RSU1: variants seen among roughly 807,000 people sequenced by gnomAD.
RSU1 encodes rsu-1.
RSU1 carries 26 observed loss-of-function variants against 31.1 expected under a neutral mutation model. The ratio of observed to expected loss-of-function variants is 0.84; its 90% CI spans 0.61 to 1.16. The LOEUF (loss-of-function observed/expected upper bound fraction) is 1.16. Ranked by LOEUF, RSU1 falls within the 50% of genes most tolerant of loss-of-function variation. The pLI, the probability that RSU1 is intolerant of heterozygous loss-of-function variation, is 0.00. For missense variants in RSU1, 320 were observed against 339.1 expected (o/e 0.94, Z 0.44); for synonymous variants, 164 against 136.3 (o/e 1.20, Z -1.41).
intron 2 of RSU1, among the ~76,000 whole-genome samples, chr10:16,783,899 T>C (rs1417378220): frequency 3.3e-5 from 5 of 152,128 alleles, no homozygotes. Context: ...CATTCAAGTT[T>C]CTCCAAATGT....
chr10:16,636,099 C>T (rs963719706), intron 8 of RSU1, among the ~76,000 whole-genome samples: 11 of 152,164 alleles, frequency 7.2e-5, no homozygotes, highest in African/African-American at 2.7e-4. Context: ...TTTATACTCA[C>T]TTGCTAAGTG....
At chr10:16,628,014 G>A (rs552415559) in intron 8 of RSU1, among the ~76,000 whole-genome samples, 6 of 152,260 alleles carry the variant, frequency 3.9e-5, no homozygotes, top group Admixed American at 3.3e-4. Context: ...TTGAGTTAGA[G>A]GGAGACTAAT....
chr10:16,771,920 A>C (rs45464692), intron 3 of RSU1, among the ~76,000 whole-genome samples: 5,071 of 152,326 alleles, frequency 0.033, 165 homozygotes, highest in East Asian at 0.071. Flanking sequence ...CTACGCCAAG[A>C]AAGGCCAACA....
At chr10:16,770,746 C>T (rs1286201590) in intron 3 of RSU1, among the ~76,000 whole-genome samples, 1 of 152,218 alleles carries the variant, frequency 6.6e-6, no homozygotes, top group Non-Finnish European at 1.5e-5. Flanking sequence ...GAGGCAACTG[C>T]TCACAGCCAG....
chr10:16,686,883 G>C (rs547191271), intron 8 of RSU1, among the ~76,000 whole-genome samples: 1 of 152,248 alleles, frequency 6.6e-6, no homozygotes, highest in South Asian at 2.1e-4. Context: ...CCCTCTAATA[G>C]TTATCCACAA....
intron 2 of RSU1, among the ~76,000 whole-genome samples, chr10:16,788,079 T>C (rs930920491): frequency 1.3e-5 from 2 of 152,008 alleles, no homozygotes; most frequent in East Asian, 1.9e-4. Flanking sequence ...CTGAGATGTA[T>C]AGTCTGACAT....
intron 3 of RSU1, among the ~76,000 whole-genome samples, chr10:16,775,872 T>G (rs533436638): frequency 6.6e-6 from 1 of 152,236 alleles, no homozygotes; most frequent in Non-Finnish European, 1.5e-5. Flanking sequence ...AAATAAGTTA[T>G]TGATCAAAGC....
intron 7 of RSU1, among the ~76,000 whole-genome samples, chr10:16,718,932 G>C (rs1304872167): frequency 1.4e-5 from 2 of 147,470 alleles, no homozygotes; most frequent in African/African-American, 5.0e-5. Flanking sequence ...AGTGAGCTGA[G>C]ATCATGCCAG....
At chr10:16,650,324 A>C (rs1834658753) in intron 8 of RSU1, among the ~76,000 whole-genome samples, 2 of 152,216 alleles carry the variant, frequency 1.3e-5, no homozygotes, top group South Asian at 4.1e-4. Flanking sequence ...ATTATACAGT[A>C]GCATAGTTAA....
chr10:16,738,258 A>G (rs527279800), intron 7 of RSU1, among the ~76,000 whole-genome samples: 2 of 152,282 alleles, frequency 1.3e-5, no homozygotes, highest in African/African-American at 4.8e-5. Flanking sequence ...CATCCTGGCT[A>G]ACAGAGTGAA....
At chr10:16,671,457 T>C (rs1457166281) in intron 8 of RSU1, among the ~76,000 whole-genome samples, 1 of 152,116 alleles carries the variant, frequency 6.6e-6, no homozygotes, top group Admixed American at 6.5e-5. Flanking sequence ...GGTTGTTTTG[T>C]TTTTGTTTTG....
At chr10:16,809,986 C>CGGGGGGGGG (rs747676679) in intron 2 of RSU1, among the ~76,000 whole-genome samples, 24 of 76,960 alleles carry the variant, frequency 3.1e-4, no homozygotes, top group Admixed American at 5.4e-4. Context: ...TTTGGGAGGC[C>CGGGGGGGGG]GGGGGTGGGG....
intron 7 of RSU1, among the ~76,000 whole-genome samples, chr10:16,706,951 TTTG>T (rs1835916744): frequency 6.6e-6 from 1 of 151,966 alleles, no homozygotes. Context: ...CAACTCTGTT[TTTG>T]TTGTTGTTAA....
At chr10:16,772,745 T>C (rs1837449227) in intron 3 of RSU1, among the ~76,000 whole-genome samples, 1 of 151,818 alleles carries the variant, frequency 6.6e-6, no homozygotes, top group East Asian at 1.9e-4. Flanking sequence ...TTTATATGAG[T>C]ACATGCCTTT....
chr10:16,709,048 T>C (rs1835963985), intron 7 of RSU1, among the ~76,000 whole-genome samples: 1 of 152,034 alleles, frequency 6.6e-6, no homozygotes, highest in South Asian at 2.1e-4. Context: ...GTGCACAATG[T>C]GCAGGTTACA....
chr10:16,618,246 T>G (rs1410272060), intron 8 of RSU1, among the ~76,000 whole-genome samples: 1 of 152,188 alleles, frequency 6.6e-6, no homozygotes, highest in Non-Finnish European at 1.5e-5. Flanking sequence ...CCACTGGTCA[T>G]TAGAGAATGC....
chr10:16,737,265 C>T (rs546376100), intron 7 of RSU1, among the ~76,000 whole-genome samples: 1 of 151,326 alleles, frequency 6.6e-6, no homozygotes, highest in Admixed American at 6.6e-5. Context: ...CACTATAAAC[C>T]CATATATGAG....
At chr10:16,783,286 TC>T (rs1837696349) in intron 2 of RSU1, among the ~76,000 whole-genome samples, 1 of 152,030 alleles carries the variant, frequency 6.6e-6, no homozygotes, top group African/African-American at 2.4e-5. Context: ...TAAAAATTTT[TC>T]TCAGGAAGGG....
At chr10:16,769,636 A>G (rs1467237469) in intron 3 of RSU1, among the ~76,000 whole-genome samples, 3 of 152,200 alleles carry the variant, frequency 2.0e-5, no homozygotes, top group Non-Finnish European at 4.4e-5. Flanking sequence ...ATTTCCAACA[A>G]CTTCCCAGGG....
Sources: gnomAD v4.1 joint callset for allele counts (sites outside exome capture counted in the v4.1 genomes callset) on GRCh38, gnomAD v4.1.1 for gene constraint, MANE v1.5 for transcripts, NCBI Gene and HGNC (gene_info 2026-07-23, HGNC 2026-07-21) for gene names.